CCSER1: variants seen among roughly 807,000 people sequenced by gnomAD.
The protein encoded by CCSER1 is coiled-coil serine rich protein 1, also known as serine-rich coiled-coil domain-containing protein 1.
A neutral mutation model predicts 82.0 loss-of-function variants in CCSER1; 41 were observed. That is an observed-to-expected ratio of 0.50 (90% CI 0.39 to 0.65). The LOEUF (loss-of-function observed/expected upper bound fraction) is 0.65, where lower values mean the gene tolerates loss of function less well. CCSER1 is among the 30% of genes least tolerant of loss of function. CCSER1 has a pLI of 0.00. For synonymous variants in CCSER1, 414 were observed against 383.9 expected (o/e 1.08, Z -0.92); for missense variants, 1,119 against 1,064.2 (o/e 1.05, Z -0.72).
At chr4:90,271,824 A>ATT (rs1353786551) in intron 1 of CCSER1, among the ~76,000 whole-genome samples, 2 of 70,812 alleles carry the variant, frequency 2.8e-5, no homozygotes, top group Non-Finnish European at 4.7e-5. Flanking sequence ...AGACTGGACA[A>ATT]TTTATATATA....
At chr4:91,257,965 C>A (rs191873582) in intron 10 of CCSER1, among the ~76,000 whole-genome samples, 3 of 152,104 alleles carry the variant, frequency 2.0e-5, no homozygotes, top group Admixed American at 6.5e-5. Flanking sequence ...AGGCTGTTAA[C>A]GATTAACGAC....
intron 1 of CCSER1, among the ~76,000 whole-genome samples, chr4:90,284,603 C>T (rs1451596212): frequency 6.6e-6 from 1 of 151,766 alleles, no homozygotes; most frequent in Non-Finnish European, 1.5e-5. Flanking sequence ...AAGCCATCCT[C>T]CCATCTTAGC....
chr4:91,105,370 C>T (rs999128133), intron 10 of CCSER1, among the ~76,000 whole-genome samples: 2 of 150,902 alleles, frequency 1.3e-5, no homozygotes, highest in Non-Finnish European at 2.9e-5. Flanking sequence ...AACTTTGAAA[C>T]TTGATCACAT....
intron 8 of CCSER1, among the ~76,000 whole-genome samples, chr4:90,883,820 A>G (rs1294681139): frequency 2.0e-5 from 3 of 152,162 alleles, no homozygotes; most frequent in Non-Finnish European, 2.9e-5. Flanking sequence ...ACATAACAAA[A>G]TTGAAATAAT....
chr4:91,488,502 G>A (rs779397315), intron 10 of CCSER1, among the ~76,000 whole-genome samples: 1 of 152,166 alleles, frequency 6.6e-6, no homozygotes, highest in African/African-American at 2.4e-5. Context: ...CAGCATTGGA[G>A]GAGGGGCCTG....
At chr4:90,219,508 G>GT (rs941070408) in intron 1 of CCSER1, among the ~76,000 whole-genome samples, 68 of 152,140 alleles carry the variant, frequency 4.5e-4, no homozygotes, top group African/African-American at 1.6e-3. Flanking sequence ...TTATATATAT[G>GT]TTGTCGCCTT....
chr4:90,569,690 G>A (rs72887419), intron 5 of CCSER1, among the ~76,000 whole-genome samples: 1 of 152,166 alleles, frequency 6.6e-6, no homozygotes, highest in African/African-American at 2.4e-5. Flanking sequence ...GCTGCATTGC[G>A]TTGTTTCAGC....
chr4:90,776,351 TA>T (rs1417211744), intron 7 of CCSER1, among the ~76,000 whole-genome samples: 1 of 152,124 alleles, frequency 6.6e-6, no homozygotes, highest in African/African-American at 2.4e-5. Context: ...GTCTTTTGGT[TA>T]AAAGAAGAAA....
chr4:91,037,818 ATATT>A (rs1158413946), intron 9 of CCSER1, among the ~76,000 whole-genome samples: 2 of 152,162 alleles, frequency 1.3e-5, no homozygotes, highest in African/African-American at 4.8e-5. Flanking sequence ...CAGAATATCT[ATATT>A]TAGTAGGAAA....
chr4:90,576,727 T>G (rs1250186748), intron 5 of CCSER1, among the ~76,000 whole-genome samples: 2 of 152,194 alleles, frequency 1.3e-5, no homozygotes, highest in Non-Finnish European at 2.9e-5. Context: ...GAATACAATT[T>G]TATTGTCTAG....
intron 10 of CCSER1, among the ~76,000 whole-genome samples, chr4:91,473,067 T>A (rs1757374696): frequency 6.6e-6 from 1 of 152,154 alleles, no homozygotes; most frequent in Admixed American, 6.5e-5. Flanking sequence ...ATTCTGTGTG[T>A]TCCGCCAATG....
At chr4:90,926,352 C>T (rs1184026529) in intron 9 of CCSER1, among the ~76,000 whole-genome samples, 1 of 151,934 alleles carries the variant, frequency 6.6e-6, no homozygotes, top group Non-Finnish European at 1.5e-5. Flanking sequence ...ACATTAGCCA[C>T]AAATTGTTCT....
At chr4:90,394,734 T>A (rs1751714258) in intron 3 of CCSER1, among the ~76,000 whole-genome samples, 1 of 152,194 alleles carries the variant, frequency 6.6e-6, no homozygotes, top group Admixed American at 6.5e-5. Context: ...ACCACTTTAA[T>A]GTTATTTATT....
chr4:90,604,639 G>A (rs1182877474), intron 5 of CCSER1, among the ~76,000 whole-genome samples: 1 of 152,212 alleles, frequency 6.6e-6, no homozygotes, highest in African/African-American at 2.4e-5. Context: ...TCCTGAGTCA[G>A]GTGGGGTCTT....
At chr4:91,475,325 C>G (rs1435094279) in intron 10 of CCSER1, among the ~76,000 whole-genome samples, 3 of 151,794 alleles carry the variant, frequency 2.0e-5, no homozygotes, top group Admixed American at 2.0e-4. Flanking sequence ...ATAAGAAATG[C>G]TCTTACTTCA....
At chr4:91,496,961 G>A (rs1486548857) in intron 10 of CCSER1, among the ~76,000 whole-genome samples, 2 of 148,500 alleles carry the variant, frequency 1.3e-5, no homozygotes, top group Non-Finnish European at 3.0e-5. Context: ...TAAAACAGAA[G>A]GTTGCATAGA....
At chr4:91,342,477 G>C (rs1203761974) in intron 10 of CCSER1, among the ~76,000 whole-genome samples, 1 of 152,134 alleles carries the variant, frequency 6.6e-6, no homozygotes, top group African/African-American at 2.4e-5. Context: ...TTTTACCAAA[G>C]TGTTAAACAT....
intron 10 of CCSER1, among the ~76,000 whole-genome samples, chr4:91,306,236 G>A (rs1298003399): frequency 6.6e-6 from 1 of 151,916 alleles, no homozygotes; most frequent in Non-Finnish European, 1.5e-5. Flanking sequence ...TCCTTCCAGA[G>A]TAGTAGGAAA....
At chr4:91,567,118 C>A (rs1762928062) in intron 10 of CCSER1, among the ~76,000 whole-genome samples, 1 of 152,096 alleles carries the variant, frequency 6.6e-6, no homozygotes, top group Non-Finnish European at 1.5e-5. Flanking sequence ...TTCTTTATAT[C>A]TGCCTTAATA....
Sources: gnomAD v4.1 joint callset for allele counts (sites outside exome capture counted in the v4.1 genomes callset) on GRCh38, gnomAD v4.1.1 for gene constraint, MANE v1.5 for transcripts, NCBI Gene and HGNC (gene_info 2026-07-23, HGNC 2026-07-21) for gene names.